Variants in INTS4 observed in about 807,000 individuals in gnomAD.
INTS4 encodes integrator complex subunit 4.
INTS4 carries 70 observed loss-of-function variants against 119.5 expected under a neutral mutation model. The ratio of observed to expected loss-of-function variants is 0.59; its 90% confidence interval spans 0.48 to 0.71. The LOEUF (loss-of-function observed/expected upper bound fraction) is 0.71. INTS4 is among the 30% of genes least tolerant of loss of function. The pLI is 0.00. For missense variants in INTS4, 867 were observed against 1,173.2 expected, an observed-to-expected ratio of 0.74 and a Z score of 3.81; for synonymous variants, 316 against 419.6, an observed-to-expected ratio of 0.75 and a Z score of 3.02.
At chr11:77,990,594 G>A (rs1174389652) in intron 2 of INTS4, among the ~76,000 whole-genome samples, 2 of 149,888 alleles carry the variant, frequency 1.3e-5, no homozygotes, top group Admixed American at 1.3e-4. Context: ...GCTGAGGCAG[G>A]AGAATCGCTT....
chr11:77,896,648 G>A (rs749009662), intron 18 of INTS4, among the ~76,000 whole-genome samples: 41 of 120,544 alleles, frequency 3.4e-4, no homozygotes, highest in African/African-American at 1.7e-4. Context: ...GCAAAACTCC[G>A]TCTCAAAAAA....
At chr11:77,893,886 C>CT (rs1416253718) in intron 19 of INTS4, among the ~76,000 whole-genome samples, 4 of 35,020 alleles carry the variant, frequency 1.1e-4, no homozygotes, top group African/African-American at 4.6e-4. Flanking sequence ...GAGCAAGACT[C>CT]TGTCTTAAAT....
At chr11:77,943,635 T>G (rs1953980965) in intron 8 of INTS4, among the ~76,000 whole-genome samples, 1 of 152,210 alleles carries the variant, frequency 6.6e-6, no homozygotes, top group African/African-American at 2.4e-5. Flanking sequence ...AAGACAAATA[T>G]GTTTAGATTA....
At chr11:77,974,455 C>A (rs977898899) in intron 4 of INTS4, among the ~76,000 whole-genome samples, 1 of 151,872 alleles carries the variant, frequency 6.6e-6, no homozygotes, top group African/African-American at 2.4e-5. Flanking sequence ...GTTGGTCAGG[C>A]TGGTCTTGAA....
At chr11:77,969,024 G>A (rs1157374705) in intron 4 of INTS4, among the ~76,000 whole-genome samples, 1 of 152,012 alleles carries the variant, frequency 6.6e-6, no homozygotes, top group African/African-American at 2.4e-5. Flanking sequence ...GCTCACTGCA[G>A]CCTCTGCCTC....
In INTS4 at chr11:77,969,305, C is replaced by T. The variant is rs761243859; in HGVS notation, c.472-8167G>A. On this transcript the variant is annotated intron_variant, in intron 4 of 22. Transcript: ENST00000534064. ...CCATGCAATTCTCCCAGAAAACGTA[C>T]GCAATTCTCCCAGATAACATGTACA... is the stretch of plus-strand genomic sequence containing the variant. Among the ~76,000 whole-genome samples the T allele has an allele frequency of 4.6e-5, 7 of 152,126 alleles. No homozygotes were observed. The Middle Eastern group carries it at 0.01, about 222-fold the overall frequency.
downstream of INTS4, among the ~76,000 whole-genome samples, chr11:77,878,166 T>G (rs548775210): frequency 7.2e-5 from 11 of 151,854 alleles, no homozygotes; most frequent in South Asian, 2.1e-4. Flanking sequence ...ATCAAGACCA[T>G]CCTGGCTAAC....
At chr11:77,894,130 C>CT (rs760007027) in intron 19 of INTS4, among the ~76,000 whole-genome samples, 160 bp downstream of exon 19, 3 of 151,976 alleles carry the variant, frequency 2.0e-5, no homozygotes, top group Non-Finnish European at 4.4e-5. Flanking sequence ...AAATTAGGTT[C>CT]TTTTTTTCCT....
downstream of INTS4, chr11:77,876,812 T>C: frequency 1.7e-6 from 1 of 591,800 alleles, no homozygotes; most frequent in Non-Finnish European, 3.0e-6. Flanking sequence ...ACATGGAAAA[T>C]GAGGGCTAAC....
At chr11:77,971,027 C>T (rs1229286709) in intron 4 of INTS4, among the ~76,000 whole-genome samples, 3 of 151,912 alleles carry the variant, frequency 2.0e-5, no homozygotes, top group African/African-American at 7.2e-5. Context: ...AGGCTGGTCT[C>T]GAACTCCTGA....
intron 22 of INTS4, among the ~76,000 whole-genome samples, chr11:77,879,770 CAG>C (rs1590991156): frequency 6.6e-6 from 1 of 152,104 alleles, no homozygotes; most frequent in African/African-American, 2.4e-5. Context: ...GTTGAGGAAA[CAG>C]ATAGTTGCAA....
At chr11:77,961,202 TAACA>T in intron 4 of INTS4, 64 bp from the exon 5 acceptor site, 2 of 1,455,996 alleles carry the variant, frequency 1.4e-6, no homozygotes, top group Middle Eastern at 2.1e-4. Flanking sequence ...TAAGATATCT[TAACA>T]AACACAGACA....
At chr11:77,886,730 G>A (rs1952027551) in intron 21 of INTS4, among the ~76,000 whole-genome samples, 1 of 152,176 alleles carries the variant, frequency 6.6e-6, no homozygotes, top group African/African-American at 2.4e-5. Context: ...CACGAGAGGT[G>A]TAGAATAGGT....
At chr11:77,918,181 C>T (rs1189137473) in intron 15 of INTS4, 10 of 691,702 alleles carry the variant, frequency 1.4e-5, no homozygotes, top group East Asian at 2.7e-5. Context: ...CCTGTAATTC[C>T]AGCACTTTGG....
At chr11:77,924,527 T>C (rs1480433337) in intron 12 of INTS4, 4 of 498,176 alleles carry the variant, frequency 8.0e-6, no homozygotes, top group African/African-American at 7.8e-5. Context: ...GCACATAATA[T>C]TTGCTAGGTG....
At chr11:77,973,117 C>T (rs368358349) in intron 4 of INTS4, among the ~76,000 whole-genome samples, 2 of 152,134 alleles carry the variant, frequency 1.3e-5, no homozygotes, top group Non-Finnish European at 2.9e-5. Context: ...GCTGGGATTA[C>T]AGGCAAGAGG....
chr11:77,887,666 G>T (rs1039551648), intron 21 of INTS4, among the ~76,000 whole-genome samples: 5 of 152,134 alleles, frequency 3.3e-5, no homozygotes, highest in African/African-American at 1.2e-4. Context: ...TGTATATCTA[G>T]AAAACCCCAT....
intron 9 of INTS4, among the ~76,000 whole-genome samples, chr11:77,939,962 G>A (rs983830200): frequency 5.3e-5 from 8 of 152,090 alleles, no homozygotes; most frequent in African/African-American, 1.9e-4. Context: ...AGGCATATGG[G>A]TAAATTGTTT....
intron 4 of INTS4, among the ~76,000 whole-genome samples, chr11:77,971,146 A>T (rs933643437): frequency 1.4e-4 from 21 of 152,052 alleles, no homozygotes; most frequent in Non-Finnish European, 2.6e-4. Context: ...GTGACAGGTG[A>T]TGTTAAGCTT....
Sources: gnomAD v4.1 joint callset for allele counts (sites outside exome capture counted in the v4.1 genomes callset) on GRCh38, gnomAD v4.1.1 for gene constraint, MANE v1.5 for transcripts, NCBI Gene and HGNC (gene_info 2026-07-23, HGNC 2026-07-21) for gene names.